The following RRH variants were observed in gnomAD, a reference collection of about 807,000 sequenced individuals.
RRH encodes retinal pigment epithelium-derived rhodopsin homolog.
RRH carries 36 observed loss-of-function variants against 33.1 expected under a neutral mutation model. The observed-to-expected ratio is 1.09, with a 90% confidence interval of 0.83 to 1.44. The LOEUF (loss-of-function observed/expected upper bound fraction) is 1.44. Among genes scored for constraint, RRH ranks in the 40% most tolerant of loss-of-function variants. The pLI, the probability that RRH is intolerant of heterozygous loss-of-function variation, is 0.00. For synonymous variants in RRH, 124 were observed against 140.2 expected, an observed-to-expected ratio of 0.88 and a Z score of 0.82; for missense variants, 393 against 420.2, an observed-to-expected ratio of 0.94 and a Z score of 0.57.
In RRH at chr4:109,835,366, G is replaced by A. The variant is rs1242892146; in HGVS notation, c.298G>A (p.Val100Ile). ...GAGTCTTTTCAATTTTGGTTTTCAG[G>A]TTTATGCTGGATTGAATATTTTTTT... is the stretch of plus-strand genomic sequence containing the variant. ...SWKFGYAGCQ[V>I]YAGLNIFFGM... Residue 100 changes from valine (V) to isoleucine (I), a missense_variant and splice_region_variant, in exon 3 of 7, where the codon GTT (valine) becomes ATT (isoleucine). Physicochemically the swap from Val to Ile is conservative, Grantham distance 29. Transcript: ENST00000317735. 3 of 1,613,146 alleles carry A rather than the reference G, an allele frequency of 1.9e-6. No individual in the cohort carries two copies. The Admixed American group carries it at 5.0e-5, about 27-fold the overall frequency.
Position 109,844,075 on chromosome 4 carries a change from T to C in RRH, c.900-8T>C. ...GGTTAATGCCAGATTTTCCTTTTTT[T>C]ATCGTAGGTTTCGGAGGGCAATGCT... is the stretch of plus-strand genomic sequence containing the variant. On this transcript the variant is annotated splice_region_variant and splice_polypyrimidine_tract_variant and intron_variant, in intron 6 of 6. Transcript: ENST00000317735. The C allele has an allele frequency of 2.5e-6, 4 of 1,598,188 alleles. No individual in the cohort carries two copies. The highest frequency in any genetic ancestry group is 3.4e-6 in the Non-Finnish European group (4 of 1,165,688).
chr4:109,833,048 G>GT, intron 1 of RRH, 91 bp from the exon 2 acceptor site: 1 of 1,053,970 alleles, frequency 9.5e-7, no homozygotes, highest in Non-Finnish European at 1.5e-6. Flanking sequence ...GATCTGTTAT[G>GT]TTTTTAAAGG....
chr4:109,830,398 C>A (rs1030411919), intron 1 of RRH, among the ~76,000 whole-genome samples: 2 of 152,090 alleles, frequency 1.3e-5, no homozygotes, highest in Non-Finnish European at 2.9e-5. Context: ...CATAGGAGGC[C>A]ATTGCAGTGA....
At chr4:109,828,203 C>G in intron 1 of RRH, 70 bp downstream of exon 1, 1 of 1,048,178 alleles carries the variant, frequency 9.5e-7, no homozygotes, top group South Asian at 1.3e-5. Context: ...CAGCATAAGG[C>G]ATGCATTGTT....
intron 5 of RRH, among the ~76,000 whole-genome samples, chr4:109,838,663 A>T (rs552492822): frequency 1.3e-5 from 2 of 152,320 alleles, no homozygotes. Flanking sequence ...CCTGGTCTAG[A>T]ATTCTAGGTG....
chr4:109,832,173 CA>C (rs1032489870), intron 1 of RRH, among the ~76,000 whole-genome samples: 8 of 146,816 alleles, frequency 5.4e-5, no homozygotes, highest in African/African-American at 2.0e-4. Flanking sequence ...CACCCCCTCA[CA>C]CCCCTTTAGG....
intron 1 of RRH, among the ~76,000 whole-genome samples, chr4:109,832,091 T>C (rs1440428864): frequency 1.3e-5 from 2 of 151,010 alleles, no homozygotes; most frequent in African/African-American, 4.9e-5. Flanking sequence ...TCCTGCTTGT[T>C]GCACAACCCT....
chr4:109,828,293 T>C (rs1394673793), intron 1 of RRH, among the ~76,000 whole-genome samples, 160 bp downstream of exon 1: 2 of 151,648 alleles, frequency 1.3e-5, no homozygotes, highest in Non-Finnish European at 3.0e-5. Flanking sequence ...AGGATGATGA[T>C]ACTCTATTTC....
chr4:109,830,390 T>TA (rs1196305468), intron 1 of RRH, among the ~76,000 whole-genome samples: 1 of 152,084 alleles, frequency 6.6e-6, no homozygotes, highest in African/African-American at 2.4e-5. Context: ...AGGGACCACA[T>TA]AGGAGGCCAT....
chr4:109,844,090 A>G lies in RRH; in HGVS notation c.907A>G (p.Arg303Gly). 4 of 1,610,704 alleles carry G rather than the reference A, an allele frequency of 2.5e-6. No individual in the cohort carries two copies. The highest frequency in any genetic ancestry group is 3.4e-6 in the Non-Finnish European group (4 of 1,176,996). The change falls in exon 7 of 7, where the codon AGG (arginine) becomes GGG (glycine). Residue 303 changes from arginine (R) to glycine (G), a missense_variant. Transcript: ENST00000317735. ...TTCCTTTTTTTATCGTAGGTTTCGG[A>G]GGGCAATGCTTGCCATGTTCAAATG... Reference protein sequence around the residue: ...IYVVANKKFRRAMLAMFKCQT... With the variant: ...IYVVANKKFRGAMLAMFKCQT...
At chr4:109,830,692 C>A (rs888570247) in intron 1 of RRH, among the ~76,000 whole-genome samples, 1 of 152,000 alleles carries the variant, frequency 6.6e-6, no homozygotes, top group African/African-American at 2.4e-5. Flanking sequence ...TGTCCGGAGG[C>A]TGAAAAATAT....
intron 1 of RRH, among the ~76,000 whole-genome samples, chr4:109,832,164 AC>A (rs1285203952): frequency 7.4e-6 from 1 of 135,624 alleles, no homozygotes; most frequent in Non-Finnish European, 1.6e-5. Context: ...CTCACACCCC[AC>A]CCCCTCACAC....
At chr4:109,831,501 A>G (rs918838948) in intron 1 of RRH, among the ~76,000 whole-genome samples, 17 of 152,226 alleles carry the variant, frequency 1.1e-4, no homozygotes, top group African/African-American at 4.1e-4. Context: ...ATAGTGTTAC[A>G]TAAGACTCAG....
rs1215178338 is a variant in RRH at position 109,836,059 on chromosome 4, C to G, written c.450C>G (p.Ile150Met). The change falls in exon 4 of 7, where the codon ATC (isoleucine) becomes ATG (methionine). Residue 150 changes from isoleucine (I) to methionine (M), a missense_variant. By Grantham distance (10) the Ile-to-Met change is conservative. Coordinates refer to ENST00000317735, the MANE Select transcript of RRH (RefSeq NM_006583.5). Reference protein sequence around the residue: ...TYIGLILGAWINGLFWALMPI... With the variant: ...TYIGLILGAWMNGLFWALMPI... ...TCGGCTTGATTCTGGGAGCCTGGAT[C>G]AATGGCCTGTTTTGGGCTTTGATGC... The G allele has an allele frequency of 2.7e-5, 43 of 1,614,090 alleles. No homozygotes were observed. Among genetic ancestry groups the G allele is most frequent in the Non-Finnish European group, 3.5e-5 (41 of 1,180,040 alleles).
At chr4:109,829,270 T>G (rs1395480442) in intron 1 of RRH, among the ~76,000 whole-genome samples, 1 of 152,126 alleles carries the variant, frequency 6.6e-6, no homozygotes, top group African/African-American at 2.4e-5. Flanking sequence ...AGTGACGTTA[T>G]CTCGTTCATT....
Position 109,831,296 on chromosome 4 carries a change from G to T in RRH, c.107-1843G>T, listed in dbSNP as rs554609169. On this transcript the variant is annotated intron_variant, in intron 1 of 6. Transcript: ENST00000317735. ...TACAATCCTAGATGCTAAAAATAGG[G>T]CCAAAGAATCATCAAATTTGCTGTC... Among the ~76,000 whole-genome samples, 215 of 152,154 alleles carry T rather than the reference G, an allele frequency of 1.4e-3. 1 individual carries two copies. Among genetic ancestry groups the T allele is most frequent in the African/African-American group, 4.1e-3 (169 of 41,530 alleles).
In RRH at chr4:109,836,061, A is replaced by G; in HGVS notation, c.452A>G (p.Asn151Ser). The G allele has an allele frequency of 6.2e-7, 1 of 1,614,220 alleles. No individual in the cohort carries two copies. The highest frequency in any genetic ancestry group is 8.5e-7 in the Non-Finnish European group (1 of 1,180,038). Residue 151 changes from asparagine (N) to serine (S), a missense_variant, in exon 4 of 7, where the codon AAT (asparagine) becomes AGT (serine). Physicochemically the swap from Asn to Ser is conservative, Grantham distance 46. Transcript: ENST00000317735. ...YIGLILGAWI[N>S]GLFWALMPII... ...GGCTTGATTCTGGGAGCCTGGATCAATGGCCTGTTTTGGGCTTTGATGCCT... is the reference window on the plus strand; with the variant it reads ...GGCTTGATTCTGGGAGCCTGGATCAGTGGCCTGTTTTGGGCTTTGATGCCT...
chr4:109,830,693 T>C (rs1471495198), intron 1 of RRH, among the ~76,000 whole-genome samples: 1 of 152,082 alleles, frequency 6.6e-6, no homozygotes, highest in African/African-American at 2.4e-5. Context: ...GTCCGGAGGC[T>C]GAAAAATATC....
chr4:109,828,287 T>G lies in RRH; in HGVS notation c.106+154T>G, dbSNP rs563714930. Among the ~76,000 whole-genome samples, 4 of 151,994 alleles carry G rather than the reference T, an allele frequency of 2.6e-5. No homozygotes were observed. The East Asian group carries it at 7.7e-4, about 29-fold the overall frequency. ...TGGCTTGCTCGTTGGTAAATGAGGA[T>G]GATGATACTCTATTTCTGGGCTGTA... On this transcript the variant is annotated intron_variant, in intron 1 of 6. Transcript: ENST00000317735.
Sources: allele counts gnomAD v4.1 joint callset (sites outside exome capture counted in the v4.1 genomes callset), GRCh38; gene constraint gnomAD v4.1.1; transcripts MANE v1.5; gene names NCBI Gene and HGNC (gene_info 2026-07-23, HGNC 2026-07-21).